The following SPARCL1 variants were observed in gnomAD, a reference collection of about 807,000 sequenced individuals.
SPARCL1 encodes SPARC-like protein 1.
SPARCL1 carries 52 observed loss-of-function variants against 67.1 expected under a neutral mutation model. The ratio of observed to expected loss-of-function variants is 0.78; its 90% CI spans 0.62 to 0.98. SPARCL1 has a LOEUF of 0.98. Among genes scored for constraint, SPARCL1 ranks in the 50% least tolerant of loss-of-function variants. SPARCL1 has a pLI of 0.00. For synonymous variants in SPARCL1, 226 were observed against 267.8 expected, an observed-to-expected ratio of 0.84 and a Z score of 1.52; for missense variants, 717 against 782.4, an observed-to-expected ratio of 0.92 and a Z score of 1.00.
chr4:87,476,025 G>C (rs1271682737), intron 10 of SPARCL1, among the ~76,000 whole-genome samples: 1 of 152,216 alleles, frequency 6.6e-6, no homozygotes, highest in East Asian at 1.9e-4. Context: ...TTTTGATGGA[G>C]TGGTAGAGAT....
chr4:87,485,806 G>T (rs1724032634), intron 7 of SPARCL1, among the ~76,000 whole-genome samples: 1 of 152,204 alleles, frequency 6.6e-6, no homozygotes, highest in African/African-American at 2.4e-5. Flanking sequence ...GGGTATATGT[G>T]TCCAGGAATT....
chr4:87,493,034 T>C (rs1724423463), intron 4 of SPARCL1, among the ~76,000 whole-genome samples: 1 of 152,250 alleles, frequency 6.6e-6, no homozygotes, highest in African/African-American at 2.4e-5. Context: ...AGAGCAGCAG[T>C]TGCCAGTATC....
At chr4:87,495,689 C>T (rs774597457) in intron 2 of SPARCL1, among the ~76,000 whole-genome samples, 8 of 152,168 alleles carry the variant, frequency 5.3e-5, no homozygotes, top group East Asian at 1.9e-4. Flanking sequence ...TTTGGGATGC[C>T]GAGGTGGGTG....
chr4:87,491,796 C>A (rs1724340520), intron 4 of SPARCL1, 106 bp from the exon 5 acceptor site: 3 of 847,800 alleles, frequency 3.5e-6, no homozygotes, highest in South Asian at 1.4e-5. Context: ...ATGCTCAAAT[C>A]ATTTCAAATC....
At position 87,481,755 on chromosome 4, in the gene SPARCL1, T is replaced by C. The variant is rs114690051; in HGVS notation, c.1668+669A>G. Among the ~76,000 whole-genome samples, 1,240 of 152,346 alleles carry C rather than the reference T, an allele frequency of 8.1e-3. 23 individuals carry two copies. Among genetic ancestry groups the C allele is most frequent in the African/African-American group, 0.028 (1,177 of 41,580 alleles). ...TTACATAAATGCTCATTTTACTATA[T>C]ATAATTGCATATATGCATATATATG... On this transcript the variant is annotated intron_variant, in intron 8 of 10. Transcript: ENST00000282470.
chr4:87,499,209 G>A (rs1393611314), intron 2 of SPARCL1, among the ~76,000 whole-genome samples: 1 of 152,120 alleles, frequency 6.6e-6, no homozygotes. Context: ...AATGTGATGA[G>A]CTTCCCTGGG....
intron 8 of SPARCL1, among the ~76,000 whole-genome samples, chr4:87,481,881 G>C (rs1415114671): frequency 6.6e-6 from 1 of 152,108 alleles, no homozygotes; most frequent in African/African-American, 2.4e-5. Context: ...ACTCATGAAG[G>C]CAGAGATTTT....
At chr4:87,503,123 C>T (rs1178195959) in intron 1 of SPARCL1, among the ~76,000 whole-genome samples, 1 of 152,186 alleles carries the variant, frequency 6.6e-6, no homozygotes, top group African/African-American at 2.4e-5. Flanking sequence ...AGAGAATAAG[C>T]TTTTTCCTGT....
At chr4:87,520,521 T>A (rs957134061) in intron 1 of SPARCL1, among the ~76,000 whole-genome samples, 16 of 152,174 alleles carry the variant, frequency 1.1e-4, no homozygotes, top group African/African-American at 2.7e-4. Flanking sequence ...ATTATGACTT[T>A]TGTTCCTAAG....
chr4:87,481,574 T>A (rs909444770), intron 8 of SPARCL1, among the ~76,000 whole-genome samples: 1 of 152,160 alleles, frequency 6.6e-6, no homozygotes, highest in African/African-American at 2.4e-5. Flanking sequence ...GACTTTGACA[T>A]GCTAAATCCC....
At chr4:87,525,785 AAG>A (rs1333387146) in intron 1 of SPARCL1, among the ~76,000 whole-genome samples, 7 of 152,184 alleles carry the variant, frequency 4.6e-5, no homozygotes, top group Non-Finnish European at 7.3e-5. Flanking sequence ...AAAGCAGACT[AAG>A]AGTTATTTCC....
At chr4:87,504,135 TTGTGTGTGTGTGTGTGTG>T (rs70957258) in intron 1 of SPARCL1, among the ~76,000 whole-genome samples, 4 of 30,934 alleles carry the variant, frequency 1.3e-4, no homozygotes, top group Non-Finnish European at 2.8e-4. Context: ...TGATTTGGTA[TTGTGTGTGTGTGTGTGTG>T]TGTGTGTGTG....
intron 10 of SPARCL1, among the ~76,000 whole-genome samples, chr4:87,478,152 A>G (rs1485519917): frequency 6.6e-6 from 1 of 152,142 alleles, no homozygotes; most frequent in East Asian, 1.9e-4. Flanking sequence ...TGTTTATCCC[A>G]AGGGTATATT....
At chr4:87,508,872 T>C (rs1432634854) in intron 1 of SPARCL1, among the ~76,000 whole-genome samples, 1 of 123,450 alleles carries the variant, frequency 8.1e-6, no homozygotes, top group Non-Finnish European at 1.6e-5. Context: ...TATACATATA[T>C]AGATACATGT....
intron 1 of SPARCL1, among the ~76,000 whole-genome samples, chr4:87,508,782 A>ATATGTG: frequency 7.1e-6 from 1 of 140,098 alleles, no homozygotes; most frequent in Non-Finnish European, 1.5e-5. Flanking sequence ...GATGAAACAT[A>ATATGTG]TGTGTGTGTG....
At chr4:87,522,828 T>C (rs189637925) in intron 1 of SPARCL1, among the ~76,000 whole-genome samples, 1 of 152,330 alleles carries the variant, frequency 6.6e-6, no homozygotes, top group East Asian at 1.9e-4. Flanking sequence ...TCATTATATA[T>C]GGCATGTGTT....
chr4:87,496,514 C>T (rs751398120), intron 2 of SPARCL1, among the ~76,000 whole-genome samples: 20 of 152,072 alleles, frequency 1.3e-4, no homozygotes, highest in South Asian at 2.1e-4. Flanking sequence ...CCACCATGAC[C>T]GGCCAAGGTC....
intron 1 of SPARCL1, among the ~76,000 whole-genome samples, chr4:87,521,303 C>T (rs1320525015): frequency 6.6e-6 from 1 of 151,904 alleles, no homozygotes; most frequent in Non-Finnish European, 1.5e-5. Flanking sequence ...TGCTGTACTT[C>T]TTCTTTCTAT....
chr4:87,491,782 T>G, intron 4 of SPARCL1, 92 bp from the exon 5 acceptor site: 1 of 930,082 alleles, frequency 1.1e-6, no homozygotes. Flanking sequence ...CACGAGTATT[T>G]TTCATGCTCA....
Sources: allele counts gnomAD v4.1 joint callset (sites outside exome capture counted in the v4.1 genomes callset), GRCh38; gene constraint gnomAD v4.1.1; transcripts MANE v1.5; gene names NCBI Gene and HGNC (gene_info 2026-07-23, HGNC 2026-07-21).